The following ACCSL variants were observed in gnomAD, a reference collection of about 807,000 sequenced individuals.
ACCSL encodes 1-aminocyclopropane-1-carboxylate synthase homolog (inactive) like, also known as probable inactive 1-aminocyclopropane-1-carboxylate synthase-like protein 2.
A neutral mutation model predicts 61.7 loss-of-function variants in ACCSL; 55 were observed. That is an observed-to-expected ratio of 0.89 (90% CI 0.72 to 1.12). The LOEUF (loss-of-function observed/expected upper bound fraction) is 1.12, where lower values mean the gene tolerates loss of function less well. Among genes scored for constraint, ACCSL ranks in the 50% most tolerant of loss-of-function variants. The pLI is 0.00. For synonymous variants in ACCSL, 258 were observed against 264.3 expected, an observed-to-expected ratio of 0.98 and a Z score of 0.23; for missense variants, 632 against 698.0, an observed-to-expected ratio of 0.91 and a Z score of 1.07.
At chr11:44,034,114 C>A in the ACCSL span, among the ~76,000 whole-genome samples, 35 of 152,128 alleles carry the variant, frequency 2.3e-4, no homozygotes, top group African/African-American at 6.3e-4. Context: ...TCTTTGGGGG[C>A]GTCTAATGCA....
At chr11:43,975,786 C>G in the ACCSL span, among the ~76,000 whole-genome samples, 2 of 152,242 alleles carry the variant, frequency 1.3e-5, no homozygotes, top group African/African-American at 4.8e-5. Flanking sequence ...GTGCTGCCTG[C>G]CATAAAAAAG....
the ACCSL span, among the ~76,000 whole-genome samples, chr11:44,016,403 G>C: frequency 3.3e-5 from 5 of 152,152 alleles, no homozygotes; most frequent in Non-Finnish European, 7.4e-5. Flanking sequence ...TGAGCTGGGG[G>C]AGGGGGAATG....
intron 13 of ACCSL, among the ~76,000 whole-genome samples, chr11:44,059,207 A>G (rs1174874221): frequency 6.6e-6 from 1 of 152,176 alleles, no homozygotes; most frequent in Non-Finnish European, 1.5e-5. Flanking sequence ...GCGCCACTGC[A>G]CTCCAGCCTG....
the ACCSL span, among the ~76,000 whole-genome samples, chr11:43,966,277 T>C: frequency 6.6e-6 from 1 of 151,862 alleles, no homozygotes; most frequent in African/African-American, 2.4e-5. Context: ...AATACAAAAA[T>C]TAGCTGGGCA....
intron 11 of ACCSL, among the ~76,000 whole-genome samples, chr11:44,057,638 C>T (rs1336967992): frequency 6.6e-6 from 1 of 152,220 alleles, no homozygotes; most frequent in Admixed American, 6.5e-5. Flanking sequence ...TATATTCCTC[C>T]GACTCCATTG....
At chr11:43,943,971 G>C in the ACCSL span, 4 of 787,864 alleles carry the variant, frequency 5.1e-6, no homozygotes, top group Admixed American at 7.4e-5. The surrounding 1 kb of genome is among the most constrained non-coding windows in gnomAD (Gnocchi z 4.8). Flanking sequence ...GGGGGATGTC[G>C]GACCAGGGAG....
chr11:44,051,617 T>C, intron 4 of ACCSL, 36 bp from the exon 5 acceptor site: 1 of 1,612,840 alleles, frequency 6.2e-7, no homozygotes, highest in Non-Finnish European at 8.5e-7. Context: ...ACATAGGTAT[T>C]GGTTTTGACT....
the ACCSL span, among the ~76,000 whole-genome samples, chr11:43,992,738 C>T: frequency 6.6e-6 from 1 of 152,226 alleles, no homozygotes; most frequent in African/African-American, 2.4e-5. Flanking sequence ...ACCTGAGTGT[C>T]ACTACATTCT....
rs747316968 is a variant in ACCSL at position 44,057,943 on chromosome 11, CAGG to C, written c.1328-373_1328-371del. Among the ~76,000 whole-genome samples the C allele has an allele frequency of 5.8e-4, 88 of 152,272 alleles. 1 individual carries two copies. Among genetic ancestry groups the C allele is most frequent in the Non-Finnish European group, 8.2e-4 (56 of 68,018 alleles). On this transcript the variant is annotated intron_variant, in intron 11 of 13. Coordinates refer to ENST00000378832, the MANE Select transcript of ACCSL (RefSeq NM_001031854.2). ...ATCCCAGCACTTTGGGAGGCAGAGGCAGGTGGATCACTTGAGGCCAGGAGTTTG... is the reference window on the plus strand; with the variant it reads ...ATCCCAGCACTTTGGGAGGCAGAGGCTGGATCACTTGAGGCCAGGAGTTTG...
the ACCSL span, among the ~76,000 whole-genome samples, chr11:43,946,361 GT>G: frequency 6.6e-6 from 1 of 152,108 alleles, no homozygotes; most frequent in African/African-American, 2.4e-5. Context: ...GCTTCCCAAA[GT>G]GCTGGGATTA....
At chr11:44,034,336 C>T in the ACCSL span, among the ~76,000 whole-genome samples, 127,741 of 152,176 alleles carry the variant, frequency 0.84, 53,756 homozygotes, top group African/African-American at 0.89. Context: ...TGGCCCCTGG[C>T]TGAGCATATT....
At chr11:44,008,959 G>A in the ACCSL span, among the ~76,000 whole-genome samples, 1 of 152,308 alleles carries the variant, frequency 6.6e-6, no homozygotes, top group Admixed American at 6.5e-5. Context: ...CTGAGGCCAG[G>A]AGTTTGAGAC....
the ACCSL span, among the ~76,000 whole-genome samples, chr11:44,021,645 GT>G: frequency 6.6e-6 from 1 of 152,032 alleles, no homozygotes; most frequent in African/African-American, 2.4e-5. Context: ...ATTTATCTTT[GT>G]TTTTGTTGCA....
chr11:43,964,114 G>A, the ACCSL span, among the ~76,000 whole-genome samples: 2 of 151,946 alleles, frequency 1.3e-5, no homozygotes, highest in Non-Finnish European at 2.9e-5. Flanking sequence ...AAGTAAAGAG[G>A]TTGAATCAGT....
At chr11:43,954,733 C>T in the ACCSL span, among the ~76,000 whole-genome samples, 10 of 151,954 alleles carry the variant, frequency 6.6e-5, no homozygotes, top group Admixed American at 3.3e-4. Flanking sequence ...TACAGGCATG[C>T]GCCACCACAC....
chr11:44,050,255 T>G, intron 2 of ACCSL, 134 bp downstream of exon 2: 1 of 780,836 alleles, frequency 1.3e-6, no homozygotes, highest in Non-Finnish European at 2.2e-6. Context: ...GCTTCTAGAA[T>G]AGCACATTTA....
intron 1 of ACCSL, 45 bp from the exon 2 acceptor site, chr11:44,050,017 T>C (rs759570626): frequency 6.2e-7 from 1 of 1,613,650 alleles, no homozygotes; most frequent in South Asian, 1.1e-5. Flanking sequence ...CTATGTAGGG[T>C]GGAGCAAGAG....
the ACCSL span, among the ~76,000 whole-genome samples, chr11:43,996,736 T>C: frequency 6.6e-6 from 1 of 152,010 alleles, no homozygotes; most frequent in African/African-American, 2.4e-5. Flanking sequence ...AGTCTCTTCC[T>C]TGGAGACTCA....
chr11:43,922,977 A>G, the ACCSL span, among the ~76,000 whole-genome samples: 9 of 152,244 alleles, frequency 5.9e-5, no homozygotes, highest in African/African-American at 2.2e-4. Context: ...TTGATCCATC[A>G]TTAACCCACT....
Sources: gnomAD v4.1 joint callset for allele counts (sites outside exome capture counted in the v4.1 genomes callset) on GRCh38, gnomAD v4.1.1 for gene constraint, Gnocchi (gnomAD v3.1) non-coding constraint, MANE v1.5 for transcripts, NCBI Gene and HGNC (gene_info 2026-07-23, HGNC 2026-07-21) for gene names.